The following KIF17 variants were observed in gnomAD, a reference collection of about 807,000 sequenced individuals.
The protein encoded by KIF17 is kinesin-like protein KIF17.
A neutral mutation model predicts 96.8 loss-of-function variants in KIF17; 80 were observed. That is an observed-to-expected ratio of 0.83 (90% confidence interval 0.69 to 1.00). The LOEUF (loss-of-function observed/expected upper bound fraction) is 1.00. Among genes scored for constraint, KIF17 ranks in the 50% least tolerant of loss-of-function variants. KIF17 has a pLI of 0.00. For missense variants in KIF17, 1,280 were observed against 1,372.9 expected (o/e 0.93, Z 1.07); for synonymous variants, 567 against 587.5 (o/e 0.97, Z 0.51).
intron 11 of KIF17, among the ~76,000 whole-genome samples, chr1:20,681,857 C>T (rs1048327140): frequency 6.6e-6 from 1 of 152,178 alleles, no homozygotes; most frequent in Non-Finnish European, 1.5e-5. Flanking sequence ...CCCTGTCCCC[C>T]ACCTGTGGTA....
rs2053964369 is a variant in KIF17, at chr1:20,687,702, A to G, written c.1624T>C (p.Ser542Pro). ...SEISLGSSES[S>P]SLEETSVSEA... ...GACACAGAGGTTTCTTCGAGCGAGG[A>G]TGACTCACTGGAGCCCAGAGAAATC... Residue 542 changes from serine to proline, a missense_variant, in exon 8 of 15, where the codon TCC (serine) becomes CCC (proline). Physicochemically the swap from Ser to Pro is moderately conservative, Grantham distance 74 (BLOSUM62 -1). Coordinates refer to ENST00000400463, the MANE Select transcript of KIF17 (RefSeq NM_001122819.3). The surrounding 1 kb of genome is among the most constrained non-coding windows in gnomAD (Gnocchi z 4.4). 1 of 1,614,200 alleles carries G rather than the reference A, an allele frequency of 6.2e-7. No homozygotes were observed.
chr1:20,706,079 C>T (rs771118345), intron 4 of KIF17, among the ~76,000 whole-genome samples: 2 of 150,796 alleles, frequency 1.3e-5, no homozygotes, highest in Non-Finnish European at 3.0e-5. Context: ...TGGCTAATTT[C>T]TTTCTTTTTA....
Position 20,700,035 on chromosome 1 carries a change from G to C in KIF17, c.1124-1547C>G, listed in dbSNP as rs1375744649. 1.3e-5 allele frequency among the ~76,000 whole-genome samples: 2 copies of C among 152,140 alleles called. No individual in the cohort carries two copies. The highest frequency in any genetic ancestry group is 4.8e-5 in the African/African-American group (2 of 41,454). ...GGGGCGTGCAGAAACTCAGTCTGGA[G>C]GGCAGCAGTGAACTGGCTGTAGCCA... On this transcript the variant is annotated intron_variant, in intron 5 of 14. Coordinates refer to ENST00000400463, the MANE Select transcript of KIF17 (RefSeq NM_001122819.3). This position sits in a 1 kb window ranked among gnomAD's most constrained non-coding sequence, Gnocchi z 4.6.
intron 4 of KIF17, among the ~76,000 whole-genome samples, chr1:20,708,512 T>C (rs2054382123): frequency 6.6e-6 from 1 of 152,184 alleles, no homozygotes; most frequent in Admixed American, 6.5e-5. Context: ...ATGTTCCCAG[T>C]TGGGCTGAGG....
At chr1:20,669,803 T>C (rs1570430463) in intron 13 of KIF17, among the ~76,000 whole-genome samples, 1 of 125,892 alleles carries the variant, frequency 7.9e-6, no homozygotes, top group Non-Finnish European at 1.6e-5. Flanking sequence ...GAGGCAGAGG[T>C]TGCAGTGAGC....
At chr1:20,706,834 A>T (rs980590198) in intron 4 of KIF17, among the ~76,000 whole-genome samples, 18 of 152,068 alleles carry the variant, frequency 1.2e-4, no homozygotes, top group African/African-American at 4.3e-4. Flanking sequence ...GGTTGCAGTG[A>T]GCTGTGATCA....
At chr1:20,670,314 C>G in intron 13 of KIF17, 107 bp downstream of exon 13, 1 of 1,101,726 alleles carries the variant, frequency 9.1e-7, no homozygotes, top group Non-Finnish European at 1.4e-6. Flanking sequence ...AATCCTTAGG[C>G]GGGAGGAAAG....
intron 14 of KIF17, 67 bp from the exon 15 acceptor site, chr1:20,664,829 T>C: frequency 6.9e-7 from 1 of 1,451,086 alleles, no homozygotes; most frequent in South Asian, 1.2e-5. Flanking sequence ...ATGCCCCAAG[T>C]GGGTAGGATG....
In KIF17 at chr1:20,700,003, C is replaced by T. The variant is rs77808336; in HGVS notation, c.1124-1515G>A. On this transcript the variant is annotated intron_variant, in intron 5 of 14. Coordinates refer to ENST00000400463, the MANE Select transcript of KIF17 (RefSeq NM_001122819.3). This position sits in a 1 kb window ranked among gnomAD's most constrained non-coding sequence, Gnocchi z 4.6. ...AACCAGGGTTAGGCACGAGGAGACC[C>T]GTTGCGGGGGCGTGCAGAAACTCAG... Among the ~76,000 whole-genome samples the T allele has an allele frequency of 0.034, 5,234 of 152,248 alleles. 289 individuals carry two copies. Among genetic ancestry groups the T allele is most frequent in the African/African-American group, 0.12 (4,953 of 41,530 alleles).
At chr1:20,681,069 T>C (rs1383197052) in intron 11 of KIF17, among the ~76,000 whole-genome samples, 1 of 145,938 alleles carries the variant, frequency 6.9e-6, no homozygotes, top group Non-Finnish European at 1.5e-5. Flanking sequence ...GAGCTTGCAG[T>C]GAGCTGAGAT....
In KIF17 at chr1:20,717,601, G is replaced by T. The variant is rs777852742; in HGVS notation, c.106C>A (p.Gln36Lys). 1 of 1,610,890 alleles carries T rather than the reference G, an allele frequency of 6.2e-7. No homozygotes were observed. Among genetic ancestry groups the T allele is most frequent in the Non-Finnish European group, 8.5e-7 (1 of 1,179,484 alleles). ...PVVTVDCARA[Q>K]CCIQNPGAAD... ...GCGCCCGGGTTCTGGATGCAGCACT[G>T]GGCGCGCGCGCAGTCCACAGTCACC... The change falls in exon 1 of 15, where the codon CAG (glutamine) becomes AAG (lysine). Residue 36 changes from glutamine to lysine, a missense_variant. Physicochemically the swap from Gln to Lys is moderately conservative, Grantham distance 53. Transcript: ENST00000400463.
Position 20,711,464 on chromosome 1 carries a change from G to T in KIF17, c.481-1636C>A, listed in dbSNP as rs557354237. Among the ~76,000 whole-genome samples the T allele has an allele frequency of 2.6e-5, 4 of 152,248 alleles. No homozygotes were observed. In the South Asian group the frequency reaches 8.3e-4, roughly 32 times the overall value. On this transcript the variant is annotated intron_variant, in intron 3 of 14. Transcript: ENST00000400463. ...CTTGGTAACTGCTCATCTCTGCTGCGGAGAGGCCAGAGCCGGGTCACCATG... is the reference window on the plus strand; with the variant it reads ...CTTGGTAACTGCTCATCTCTGCTGCTGAGAGGCCAGAGCCGGGTCACCATG...
Position 20,671,932 on chromosome 1 carries a change from C to T in KIF17, c.2722+6G>A, listed in dbSNP as rs1352217201. On this transcript the variant is annotated splice_donor_region_variant and intron_variant, in intron 12 of 14. Coordinates refer to ENST00000400463, the MANE Select transcript of KIF17 (RefSeq NM_001122819.3). ...GGGGAGGGCAAGGGCCAGCCAAGCT[C>T]CTGACCTACTGGGAGGCTGGTTTTT... The T allele has an allele frequency of 6.2e-7, 1 of 1,612,682 alleles. No individual in the cohort carries two copies. Among genetic ancestry groups the T allele is most frequent in the Admixed American group, 1.7e-5 (1 of 59,990 alleles).
chr1:20,661,750 G>T (rs2053440211), downstream of KIF17, among the ~76,000 whole-genome samples: 1 of 152,390 alleles, frequency 6.6e-6, no homozygotes, highest in African/African-American at 2.4e-5. Context: ...GTCGCGTCCT[G>T]GACAGGGTGT....
At chr1:20,666,165 G>T (rs766430267) in intron 14 of KIF17, 49 bp downstream of exon 14, 12 of 1,344,226 alleles carry the variant, frequency 8.9e-6, no homozygotes, top group Non-Finnish European at 1.2e-5. Context: ...TCCCCTTCAC[G>T]CCTCTCCCAG....
chr1:20,671,164 T>C, intron 12 of KIF17, among the ~76,000 whole-genome samples: 1 of 152,162 alleles, frequency 6.6e-6, no homozygotes, highest in African/African-American at 2.4e-5. Flanking sequence ...CCTCTGAGAT[T>C]GTGTCCTCCT....
rs761090618 is a variant in KIF17 at position 20,709,623 on chromosome 1, C to A, written c.670+16G>T. ...GGGTCATCTGTCCCCCTGCCCCCAA[C>A]AATGGCCTCGCATACCCACGGCAGA... On this transcript the variant is annotated intron_variant, in intron 4 of 14. Coordinates refer to ENST00000400463, the MANE Select transcript of KIF17 (RefSeq NM_001122819.3). This position sits in a 1 kb window ranked among gnomAD's most constrained non-coding sequence, Gnocchi z 4.7. The A allele has an allele frequency of 6.2e-7, 1 of 1,613,790 alleles. No homozygotes were observed. The highest frequency in any genetic ancestry group is 1.7e-5 in the Admixed American group (1 of 60,012).
Position 20,684,152 on chromosome 1 carries a change from C to G in KIF17, c.2231+657G>C, listed in dbSNP as rs77857756. Among the ~76,000 whole-genome samples, 463 of 152,358 alleles carry G rather than the reference C, an allele frequency of 3.0e-3. 3 individuals are homozygous for G. Among genetic ancestry groups the G allele is most frequent in the African/African-American group, 0.011 (450 of 41,596 alleles). Reference sequence around the variant, plus strand: ...GCTAGTGGAGGAGGCAGGCTGGGAACTGCTAGAGAACAGGACCCTCTTGGC... The same window carrying G: ...GCTAGTGGAGGAGGCAGGCTGGGAAGTGCTAGAGAACAGGACCCTCTTGGC... On this transcript the variant is annotated intron_variant, in intron 10 of 14. Transcript: ENST00000400463.
Position 20,690,352 on chromosome 1 carries a change from G to GGGGC in KIF17, c.1234-18_1234-17insGCCC. The GGGGC allele has an allele frequency of 4.4e-6, 2 of 451,154 alleles. No individual in the cohort carries two copies. Among genetic ancestry groups the GGGGC allele is most frequent in the Admixed American group, 2.9e-5 (1 of 35,052 alleles). 27.9% of individuals were successfully genotyped at this position (451,154 alleles called of 1,614,324 possible). On this transcript the variant is annotated splice_polypyrimidine_tract_variant and intron_variant, in intron 6 of 14. Transcript: ENST00000400463. ...TTCATACTCCTGGGGGGGTGGGAGG[G>GGGGC]ACCAGAGGGCAGGCAGCATTTTATC...
Sources: gnomAD v4.1 joint callset for allele counts (sites outside exome capture counted in the v4.1 genomes callset) on GRCh38, gnomAD v4.1.1 for gene constraint, Gnocchi (gnomAD v3.1) non-coding constraint, MANE v1.5 for transcripts, NCBI Gene and HGNC (gene_info 2026-07-23, HGNC 2026-07-21) for gene names.